Variants in PTPDC1 observed in about 807,000 individuals in gnomAD.
PTPDC1 encodes the protein protein tyrosine phosphatase domain containing 1, also known as protein tyrosine phosphatase domain-containing protein 1.
A neutral mutation model predicts 75.3 loss-of-function variants in PTPDC1; 53 were observed. That is an observed-to-expected ratio of 0.70 (90% confidence interval 0.56 to 0.88). PTPDC1 has a LOEUF of 0.88. Among genes scored for constraint, PTPDC1 ranks in the 40% least tolerant of loss-of-function variants. The pLI is 0.00. For synonymous variants in PTPDC1, 349 were observed against 366.2 expected (o/e 0.95, Z 0.54); for missense variants, 925 against 998.6 (o/e 0.93, Z 0.99).
rs554888301 is a variant in PTPDC1 at position 94,088,151 on chromosome 9, C to A, written c.504C>A (p.Gly168=). Residue 168 remains glycine (G), a synonymous_variant, in exon 4 of 9, where the codon GGC becomes GGA. Coordinates refer to ENST00000620992, the MANE Select transcript of PTPDC1 (RefSeq NM_001253829.2). ...CTGCCCTTTTTCCTTTAAGCCATGG[C>A]ATAAAAACAATAATCAACCTCCAGC... ...YHIIDQFLSH[G]IKTIINLQRP... is the part of the protein sequence containing the mutation. The A allele has an allele frequency of 3.7e-6, 6 of 1,612,880 alleles. No individual in the cohort carries two copies. In the African/African-American group the frequency reaches 8.0e-5, roughly 22 times the overall value.
chr9:94,091,924 G>A (rs1299593300), intron 4 of PTPDC1, among the ~76,000 whole-genome samples: 1 of 150,916 alleles, frequency 6.6e-6, no homozygotes, highest in Non-Finnish European at 1.5e-5. Flanking sequence ...GGGATCAGTG[G>A]TGATATCCCC....
chr9:94,097,555 G>C lies in PTPDC1; in HGVS notation c.989G>C (p.Gly330Ala), dbSNP rs749889775. The C allele has an allele frequency of 6.2e-7, 1 of 1,614,026 alleles. No homozygotes were observed. The highest frequency in any genetic ancestry group is 1.1e-5 in the South Asian group (1 of 91,078). Residue 330 changes from glycine (G) to alanine (A), a missense_variant, in exon 6 of 9, where the codon GGT becomes GCT. Coordinates refer to ENST00000620992, the MANE Select transcript of PTPDC1 (RefSeq NM_001253829.2). Reference sequence around the variant, plus strand: ...ATTCGCCAGCGTCATCTGCTTCATGGTTATGAGGCACGACTTCTGAAACAC... The same window carrying C: ...ATTCGCCAGCGTCATCTGCTTCATGCTTATGAGGCACGACTTCTGAAACAC... ...YLIRQRHLLH[G>A]YEARLLKHVP...
intron 1 of PTPDC1, among the ~76,000 whole-genome samples, chr9:94,041,981 T>C (rs1197108090): frequency 6.6e-6 from 1 of 152,230 alleles, no homozygotes; most frequent in Non-Finnish European, 1.5e-5. Flanking sequence ...TTTTTATTTC[T>C]ATGTTTACTC....
intron 1 of PTPDC1, among the ~76,000 whole-genome samples, chr9:94,054,148 C>T (rs1825865447): frequency 6.6e-6 from 1 of 152,146 alleles, no homozygotes; most frequent in African/African-American, 2.4e-5. Context: ...AGACAATAGA[C>T]AGGACAAATA....
intron 2 of PTPDC1, among the ~76,000 whole-genome samples, chr9:94,065,746 T>G (rs977365969): frequency 6.6e-6 from 1 of 152,224 alleles, no homozygotes; most frequent in African/African-American, 2.4e-5. Context: ...CTAGAGGCAC[T>G]AATACTACTG....
intron 2 of PTPDC1, among the ~76,000 whole-genome samples, chr9:94,074,317 C>A (rs1414490854): frequency 6.6e-6 from 1 of 152,128 alleles, no homozygotes; most frequent in East Asian, 1.9e-4. Context: ...GCTCTCTCAC[C>A]AGTTCTGTTT....
upstream of PTPDC1, among the ~76,000 whole-genome samples, chr9:94,084,220 A>G (rs953444334): frequency 2.0e-5 from 3 of 152,182 alleles, no homozygotes; most frequent in Non-Finnish European, 2.9e-5. Context: ...TTGGGGAGTA[A>G]TTCTTTGGTT....
chr9:94,096,915 C>G (rs1402987009), intron 5 of PTPDC1, among the ~76,000 whole-genome samples: 2 of 152,142 alleles, frequency 1.3e-5, no homozygotes, highest in African/African-American at 4.8e-5. Context: ...TGGAAATTCT[C>G]AAGAACTGTT....
Position 94,036,027 on chromosome 9 carries a change from T to G in PTPDC1, c.-7+4900T>G, listed in dbSNP as rs889162467. ...CCATTTTTAATCGGATTATTTGTTT[T>G]TTTTTTTGTTTTTTTTTTGCTACTG... On this transcript the variant is annotated intron_variant, in intron 1 of 9. Transcript: ENST00000375360. 1.4e-3 allele frequency among the ~76,000 whole-genome samples: 208 copies of G among 144,484 alleles called. 7 individuals carry two copies. In the South Asian group the frequency reaches 0.038, roughly 26 times the overall value. 94.8% of individuals were successfully genotyped at this position (144,484 alleles called of 152,430 possible). A position where few individuals can be genotyped will look rare whatever the true frequency, so the allele number is the denominator to read the frequency against.
intron 1 of PTPDC1, among the ~76,000 whole-genome samples, chr9:94,045,603 A>G (rs1825572713): frequency 1.3e-5 from 2 of 152,180 alleles, no homozygotes; most frequent in African/African-American, 4.8e-5. Flanking sequence ...AGTGATGATG[A>G]GCATTTTTTC....
Position 94,098,301 on chromosome 9 carries a change from T to C in PTPDC1, c.1735T>C (p.Cys579Arg). 3.1e-6 allele frequency: 5 copies of C among 1,614,220 alleles called. No individual in the cohort carries two copies. The highest frequency in any genetic ancestry group is 4.2e-6 in the Non-Finnish European group (5 of 1,180,038). The change falls in exon 6 of 9, where the codon TGT (cysteine) becomes CGT (arginine). Residue 579 changes from cysteine (C) to arginine (R), a missense_variant. Coordinates refer to ENST00000620992, the MANE Select transcript of PTPDC1 (RefSeq NM_001253829.2). The part of the protein sequence containing the change: ...PNPAHQQVSH[C>R]QCKTHGVGSP... The stretch of plus-strand genomic sequence containing the variant: ...CCCTGCTCACCAGCAAGTGTCTCAC[T>C]GTCAGTGTAAAACTCATGGTGTTGG...
intron 1 of PTPDC1, among the ~76,000 whole-genome samples, chr9:94,051,141 C>T (rs938542937): frequency 3.3e-5 from 5 of 152,176 alleles, no homozygotes; most frequent in Non-Finnish European, 5.9e-5. Context: ...AAGGGAATTC[C>T]CTGACCCCTT....
intron 1 of PTPDC1, among the ~76,000 whole-genome samples, chr9:94,061,295 C>T (rs1309629159): frequency 6.6e-6 from 1 of 152,176 alleles, no homozygotes; most frequent in Non-Finnish European, 1.5e-5. Flanking sequence ...TGTAGCTTTG[C>T]AGGGTTCATC....
chr9:94,057,391 A>G (rs1329362535), intron 1 of PTPDC1, among the ~76,000 whole-genome samples: 1 of 152,124 alleles, frequency 6.6e-6, no homozygotes, highest in Non-Finnish European at 1.5e-5. Flanking sequence ...GCCCATTACT[A>G]ACTATTAACA....
intron 8 of PTPDC1, among the ~76,000 whole-genome samples, chr9:94,104,761 T>A (rs1323498224): frequency 6.6e-6 from 1 of 152,214 alleles, no homozygotes; most frequent in Non-Finnish European, 1.5e-5. Flanking sequence ...AGAAGCCATC[T>A]ATTGAGAATT....
Position 94,049,620 on chromosome 9 carries a change from G to A in PTPDC1, c.-6-15114G>A, listed in dbSNP as rs538799216. 1.5e-3 allele frequency among the ~76,000 whole-genome samples: 235 copies of A among 152,272 alleles called. 1 individual carries two copies. The highest frequency in any genetic ancestry group is 6.8e-3 in the Middle Eastern group (2 of 294). On this transcript the variant is annotated intron_variant, in intron 1 of 9. Transcript: ENST00000375360. ...ATGGGCTTCCCCTTGTGGGTAACCC[G>A]ACCTTTCTCTCTGGCTGCCCTTAAC...
chr9:94,065,141 GT>G (rs745741122), intron 2 of PTPDC1, among the ~76,000 whole-genome samples: 6 of 152,234 alleles, frequency 3.9e-5, no homozygotes, highest in Non-Finnish European at 8.8e-5. Flanking sequence ...CCTTTCATTA[GT>G]TGTAAGTGCC....
chr9:94,071,852 G>A (rs1413527974), intron 2 of PTPDC1, among the ~76,000 whole-genome samples: 2 of 152,120 alleles, frequency 1.3e-5, no homozygotes, highest in South Asian at 2.1e-4. Context: ...TTACTTTGTT[G>A]CATCTTCTAA....
In PTPDC1 at chr9:94,095,450, A is replaced by C; in HGVS notation, c.750A>C (p.Arg250=). 1 of 1,612,690 alleles carries C rather than the reference A, an allele frequency of 6.2e-7. No homozygotes were observed. The highest frequency in any genetic ancestry group is 8.5e-7 in the Non-Finnish European group (1 of 1,179,336). Residue 250 remains arginine, a synonymous_variant, in exon 5 of 9, where the codon CGA becomes CGC. Coordinates refer to ENST00000620992, the MANE Select transcript of PTPDC1 (RefSeq NM_001253829.2). ...TCCATTGTCATGCAGGGCTTGGTCGAACAGGTAGGTCCTAAGAGGTGGTTT... is the reference window on the plus strand; with the variant it reads ...TCCATTGTCATGCAGGGCTTGGTCGCACAGGTAGGTCCTAAGAGGTGGTTT... The part of the protein sequence containing the change: ...VAIHCHAGLG[R]TGVLIACYLV...
Sources: gnomAD v4.1 joint callset for allele counts (sites outside exome capture counted in the v4.1 genomes callset) on GRCh38, gnomAD v4.1.1 for gene constraint, MANE v1.5 for transcripts, NCBI Gene and HGNC (gene_info 2026-07-23, HGNC 2026-07-21) for gene names.